The following SDR9C7 variants were observed in gnomAD, a reference collection of about 807,000 sequenced individuals.
SDR9C7 encodes short chain dehydrogenase/reductase family 9C member 7.
In SDR9C7, 11 loss-of-function variants were observed where a neutral mutation model predicts 23.6. The ratio of observed to expected loss-of-function variants is 0.47; its 90% confidence interval spans 0.29 to 0.77. The LOEUF is 0.77. SDR9C7 is among the 30% of genes least tolerant of loss of function. The pLI is 0.09. For synonymous variants in SDR9C7, 167 were observed against 157.3 expected, an observed-to-expected ratio of 1.06 and a Z score of -0.46; for missense variants, 387 against 407.1, an observed-to-expected ratio of 0.95 and a Z score of 0.42.
At position 56,930,371 on chromosome 12, in the gene SDR9C7, C is replaced by G. The variant is rs142269600; in HGVS notation, c.415G>C (p.Glu139Gln). The part of the protein sequence containing the change: ...VINVNLVGLI[E>Q]VTLHMLPMVK... ...ATGGGCAGCATGTGAAGGGTCACTT[C>G]GATCAGTCCCACCAGGTTCACATTA... Residue 139 changes from glutamate (E) to glutamine (Q), a missense_variant, in exon 2 of 4, where the codon GAA becomes CAA. Physicochemically the swap from Glu to Gln is conservative, Grantham distance 29. Transcript: ENST00000293502. 3.7e-6 allele frequency: 6 copies of G among 1,614,188 alleles called. No individual in the cohort carries two copies. In the Admixed American group the frequency reaches 1.0e-4, roughly 27 times the overall value.
chr12:56,930,628 T>A lies in SDR9C7; in HGVS notation c.302-144A>T, dbSNP rs1003671751. On this transcript the variant is annotated intron_variant, in intron 1 of 3. Transcript: ENST00000293502. The stretch of plus-strand genomic sequence containing the variant: ...GTCAGGCTATAACATAAAAGGAAGG[T>A]GTGTCTTTTACTAACTCGTTTTCCC... 1.1e-5 allele frequency: 10 copies of A among 951,896 alleles called. No individual in the cohort carries two copies. The Admixed American group carries it at 2.3e-4, about 21-fold the overall frequency. The allele number at this position is 951,896 out of a possible 1,614,324, so 59.0% of individuals were successfully genotyped here.
At position 56,923,927 on chromosome 12, in the gene SDR9C7, G is replaced by T. The variant is rs1237692044; in HGVS notation, c.848C>A (p.Ala283Asp). Residue 283 changes from alanine (A) to aspartate (D), a missense_variant, in exon 4 of 4, where the codon GCC becomes GAC. Ala to Asp is a moderately radical substitution (Grantham distance 126, BLOSUM62 -2). Coordinates refer to ENST00000293502, the MANE Select transcript of SDR9C7 (RefSeq NM_148897.3). ...AGCCAGAGGGATGTAGAGGAGTTTG[G>T]CATCCAGGCCAGGGTTGTAGCGGAT... Reference protein sequence around the residue: ...PRIRYNPGLDAKLLYIPLAKL... With the variant: ...PRIRYNPGLDDKLLYIPLAKL... The T allele has an allele frequency of 6.2e-7, 1 of 1,614,042 alleles. No individual in the cohort carries two copies. Among genetic ancestry groups the T allele is most frequent in the African/African-American group, 1.3e-5 (1 of 74,926 alleles).
rs145973915 is a variant in SDR9C7, at chr12:56,925,192, T to C, written c.725-1142A>G. ...GGGCCCTCACAAATGTGAGGAGTTG[T>C]TCTGTTTGCATTGACCCACAGGGGT... is the stretch of plus-strand genomic sequence containing the variant. On this transcript the variant is annotated intron_variant, in intron 3 of 3. Coordinates refer to ENST00000293502, the MANE Select transcript of SDR9C7 (RefSeq NM_148897.3). 3.8e-3 allele frequency among the ~76,000 whole-genome samples: 572 copies of C among 152,270 alleles called. 3 individuals are homozygous for C. Among genetic ancestry groups the C allele is most frequent in the African/African-American group, 0.013 (524 of 41,556 alleles).
chr12:56,931,593 C>G (rs1398089661), intron 1 of SDR9C7, among the ~76,000 whole-genome samples: 1 of 152,096 alleles, frequency 6.6e-6, no homozygotes, highest in African/African-American at 2.4e-5. Context: ...GGGCCTCAGG[C>G]TCTTCATCAG....
At chr12:56,928,764 C>T (rs1380103026) in intron 3 of SDR9C7, among the ~76,000 whole-genome samples, 2 of 152,198 alleles carry the variant, frequency 1.3e-5, no homozygotes, top group African/African-American at 4.8e-5. Context: ...GGGTAAACAG[C>T]TGCCGTGTCC....
chr12:56,930,125 T>C, intron 2 of SDR9C7, 101 bp downstream of exon 2: 1 of 1,384,062 alleles, frequency 7.2e-7, no homozygotes, highest in East Asian at 2.3e-5. Context: ...TTGTGTTAGC[T>C]TCCTGTCTGC....
chr12:56,932,590 G>A (rs1359654515), intron 1 of SDR9C7, among the ~76,000 whole-genome samples: 1 of 152,192 alleles, frequency 6.6e-6, no homozygotes, highest in East Asian at 1.9e-4. Context: ...GCTAAGTGAG[G>A]TATTAAGGCA....
chr12:56,930,747 G>A (rs1955764255), intron 1 of SDR9C7, among the ~76,000 whole-genome samples: 1 of 152,228 alleles, frequency 6.6e-6, no homozygotes, highest in South Asian at 2.1e-4. Context: ...CAGCATTTCA[G>A]CTATCAGCTT....
At chr12:56,929,597 A>G (rs976221167) in intron 2 of SDR9C7, 44 bp from the exon 3 acceptor site, 8 of 1,583,180 alleles carry the variant, frequency 5.1e-6, no homozygotes, top group South Asian at 2.2e-5. Flanking sequence ...CAAGATGACA[A>G]TCATCACGGA....
chr12:56,929,190 C>A (rs1451560218), intron 3 of SDR9C7, among the ~76,000 whole-genome samples, 200 bp downstream of exon 3: 1 of 152,118 alleles, frequency 6.6e-6, no homozygotes, highest in Non-Finnish European at 1.5e-5. Flanking sequence ...GGCTGAATTG[C>A]CCTTAACTCC....
Position 56,929,496 on chromosome 12 carries a change from C to T in SDR9C7, c.618G>A (p.Arg206=). 6.2e-7 allele frequency: 1 copy of T among 1,613,688 alleles called. No homozygotes were observed. The highest frequency in any genetic ancestry group is 1.3e-5 in the African/African-American group (1 of 75,016). ...KVCIIEPGNY[R]TAILGKENLE... ...GGTTCTCCTTGCCGAGAATGGCTGT[C>T]CGATAGTTCCCTGGCTCAATGATGC... is the stretch of plus-strand genomic sequence containing the variant. Residue 206 remains arginine (R), a synonymous_variant, in exon 3 of 4, where the codon CGG becomes CGA. Coordinates refer to ENST00000293502, the MANE Select transcript of SDR9C7 (RefSeq NM_148897.3).
Position 56,930,250 on chromosome 12 carries a change from A to G in SDR9C7, c.536T>C (p.Val179Ala), listed in dbSNP as rs200344172. 2 of 1,614,142 alleles carry G rather than the reference A, an allele frequency of 1.2e-6. No individual in the cohort carries two copies. Among genetic ancestry groups the G allele is most frequent in the East Asian group, 2.2e-5 (1 of 44,886 alleles). ...CCTTATGCTGTCAGAGAAGGCCTCA[A>G]CGCCAAACTTGGAGACGCAGTAGCC... is the stretch of plus-strand genomic sequence containing the variant. ...GGGYCVSKFG[V>A]EAFSDSIRRE... The change falls in exon 2 of 4, where the codon GTT becomes GCT. Residue 179 changes from valine to alanine, a missense_variant. By Grantham distance (64) the Val-to-Ala change is moderately conservative. Coordinates refer to ENST00000293502, the MANE Select transcript of SDR9C7 (RefSeq NM_148897.3).
intron 1 of SDR9C7, among the ~76,000 whole-genome samples, chr12:56,931,891 C>T (rs1955770807): frequency 6.6e-6 from 1 of 152,152 alleles, no homozygotes; most frequent in South Asian, 2.1e-4. Flanking sequence ...TCCTAGTCCA[C>T]CCCTCCCTCT....
At chr12:56,925,834 G>A (rs1458964029) in intron 3 of SDR9C7, among the ~76,000 whole-genome samples, 2 of 152,204 alleles carry the variant, frequency 1.3e-5, no homozygotes, top group African/African-American at 4.8e-5. Context: ...GGCTGAGGAT[G>A]TGGAGCAAGC....
chr12:56,931,756 A>G (rs959982868), intron 1 of SDR9C7, among the ~76,000 whole-genome samples: 2 of 152,092 alleles, frequency 1.3e-5, no homozygotes, highest in African/African-American at 4.8e-5. Context: ...CAGCTCCTTC[A>G]TGCAAGGATT....
rs1046140711 is a variant in SDR9C7 at position 56,931,181 on chromosome 12, G to A, written c.302-697C>T. Among the ~76,000 whole-genome samples, 8 of 152,112 alleles carry A rather than the reference G, an allele frequency of 5.3e-5. No individual in the cohort carries two copies. The East Asian group carries it at 9.6e-4, about 18-fold the overall frequency. On this transcript the variant is annotated intron_variant, in intron 1 of 3. Coordinates refer to ENST00000293502, the MANE Select transcript of SDR9C7 (RefSeq NM_148897.3). ...GCCCGGGTTACAGGTTACCTTGTTC[G>A]AGGTTACAGTGAGCTATAATGGTGC...
Position 56,923,761 on chromosome 12 carries a change from C to T in SDR9C7, c.*72G>A, listed in dbSNP as rs1398280047. ...AATGCCCCCAGGATAACCGATACCACCTTTTGTGACCCCACGGTCCTTCCT... is the reference window on the plus strand; with the variant it reads ...AATGCCCCCAGGATAACCGATACCATCTTTTGTGACCCCACGGTCCTTCCT... On this transcript the variant is annotated 3_prime_UTR_variant, in exon 4 of 4. Transcript: ENST00000293502. The T allele has an allele frequency of 4.8e-6, 6 of 1,257,994 alleles. No individual in the cohort carries two copies. The African/African-American group carries it at 7.5e-5, about 16-fold the overall frequency. The allele number at this position is 1,257,994 out of a possible 1,614,324, so 77.9% of individuals were successfully genotyped here.
chr12:56,926,711 A>G (rs1242889026), intron 3 of SDR9C7, among the ~76,000 whole-genome samples: 2 of 152,258 alleles, frequency 1.3e-5, no homozygotes, highest in African/African-American at 2.4e-5. Flanking sequence ...CTGCTGGAAT[A>G]CAAGCCTGAA....
rs192803283 is a variant in SDR9C7 at position 56,930,177 on chromosome 12, A to C, written c.560+49T>G. 1.3e-3 allele frequency: 2,135 copies of C among 1,598,952 alleles called. 38 individuals carry two copies. The South Asian group carries it at 0.022, about 17-fold the overall frequency. On this transcript the variant is annotated intron_variant, in intron 2 of 3. Transcript: ENST00000293502. ...CATGCTGTCACTCCCAACCCTCTCT[A>C]ATCTCTGGGATTTTCACCCAGAATT...
Sources: allele counts gnomAD v4.1 joint callset (sites outside exome capture counted in the v4.1 genomes callset), GRCh38; gene constraint gnomAD v4.1.1; transcripts MANE v1.5; gene names NCBI Gene and HGNC (gene_info 2026-07-23, HGNC 2026-07-21).